HECTD2: variants seen among roughly 807,000 people sequenced by gnomAD.
HECTD2 encodes probable E3 ubiquitin-protein ligase HECTD2.
A neutral mutation model predicts 103.2 loss-of-function variants in HECTD2; 35 were observed. The ratio of observed to expected loss-of-function variants is 0.34; its 90% CI spans 0.26 to 0.45. The LOEUF is 0.45. HECTD2 is among the 20% of genes least tolerant of loss of function. HECTD2 has a pLI of 1.00. For missense variants in HECTD2, 596 were observed against 937.4 expected (o/e 0.64, Z 4.76); for synonymous variants, 281 against 329.9 (o/e 0.85, Z 1.61).
intron 15 of HECTD2, 64 bp downstream of exon 15, chr10:91,496,436 GTCTC>G (rs60938850): frequency 0.045 from 51,359 of 1,137,728 alleles, 3,035 homozygotes; most frequent in African/African-American, 0.27. Flanking sequence ...TACCTGCACA[GTCTC>G]TCCTCCTAAT....
chr10:91,512,194 T>C, intron 20 of HECTD2, 70 bp from the exon 21 acceptor site: 1 of 1,515,102 alleles, frequency 6.6e-7, no homozygotes, highest in Admixed American at 1.9e-5. Flanking sequence ...CTGGTATTTT[T>C]TAAAGTTGCA....
chr10:91,494,206 T>TG lies in HECTD2; in HGVS notation c.1521+705dup, dbSNP rs201074905. 2.7e-3 allele frequency among the ~76,000 whole-genome samples: 400 copies of TG among 149,038 alleles called. 1 individual carries two copies. The highest frequency in any genetic ancestry group is 9.2e-3 in the African/African-American group (371 of 40,514). Reference sequence around the variant, plus strand: ...TGGAGATAAGAAAGTATAAAAGGGGTGGGGGGGAATTCTTAATCTGTTCTC... The same window carrying TG: ...TGGAGATAAGAAAGTATAAAAGGGGTGGGGGGGGAATTCTTAATCTGTTCTC... On this transcript the variant is annotated intron_variant, in intron 14 of 20. Transcript: ENST00000298068.
chr10:91,440,316 C>T (rs372185538), intron 2 of HECTD2, among the ~76,000 whole-genome samples: 27 of 152,152 alleles, frequency 1.8e-4, no homozygotes, highest in Admixed American at 5.9e-4. Flanking sequence ...AAGGACTTTT[C>T]GGTAGTTATT....
chr10:91,477,036 C>T (rs1383688394), intron 5 of HECTD2, among the ~76,000 whole-genome samples: 1 of 152,162 alleles, frequency 6.6e-6, no homozygotes, highest in South Asian at 2.1e-4. Context: ...AAAAAATTAG[C>T]CGGGCGCGGT....
At chr10:91,449,111 G>A (rs77935307) in intron 2 of HECTD2, among the ~76,000 whole-genome samples, 1 of 151,576 alleles carries the variant, frequency 6.6e-6, no homozygotes, top group South Asian at 2.1e-4. Context: ...TGATGAACAT[G>A]GATATGAAAA....
Position 91,481,123 on chromosome 10 carries a change from AT to A in HECTD2, c.699del (p.Phe233LeufsTer25). The A allele has an allele frequency of 6.5e-7, 1 of 1,529,298 alleles. No homozygotes were observed. Among genetic ancestry groups the A allele is most frequent in the Non-Finnish European group, 8.9e-7 (1 of 1,120,396 alleles). The allele number at this position is 1,529,298 out of a possible 1,614,324, so 94.7% of individuals were successfully genotyped here. ...CGAACAAAAGATGATCTTAGAGCAT[AT>A]TTTATACTTTTACAGGTAAGAGAAC... ...GPRTKDDLRA[Y>X]FILLQNPQFN... On this transcript the variant is annotated frameshift_variant, in exon 7 of 21. Coordinates refer to ENST00000298068, the MANE Select transcript of HECTD2 (RefSeq NM_182765.6). LOFTEE classifies it high-confidence loss of function.
chr10:91,500,248 G>T (rs540251702), intron 18 of HECTD2, among the ~76,000 whole-genome samples: 2 of 152,276 alleles, frequency 1.3e-5, no homozygotes, highest in East Asian at 3.9e-4. Context: ...GAGTAATTTG[G>T]ATTTGTGCAA....
At chr10:91,443,797 C>T (rs1316038596) in intron 2 of HECTD2, among the ~76,000 whole-genome samples, 3 of 152,186 alleles carry the variant, frequency 2.0e-5, no homozygotes, top group East Asian at 3.9e-4. Context: ...AATGAGAGAA[C>T]AATGGTGCTG....
chr10:91,420,840 A>G (rs935907252), intron 1 of HECTD2, among the ~76,000 whole-genome samples: 2 of 152,170 alleles, frequency 1.3e-5, no homozygotes, highest in African/African-American at 2.4e-5. Context: ...CAGCTAATAC[A>G]TGGCTACCCT....
intron 5 of HECTD2, among the ~76,000 whole-genome samples, chr10:91,476,908 C>G (rs112226806): frequency 5.3e-5 from 8 of 152,062 alleles, no homozygotes; most frequent in African/African-American, 1.9e-4. Flanking sequence ...GGGCCGGGCG[C>G]GGTGGCTCAT....
At chr10:91,418,701 A>C (rs1159783001) in intron 1 of HECTD2, among the ~76,000 whole-genome samples, 2 of 152,164 alleles carry the variant, frequency 1.3e-5, no homozygotes, top group African/African-American at 4.8e-5. Flanking sequence ...GAAACAAAAT[A>C]TCTTTACCCA....
At position 91,503,242 on chromosome 10, in the gene HECTD2, T is replaced by C. The variant is rs536596605; in HGVS notation, c.2210+1908T>C. On this transcript the variant is annotated intron_variant, in intron 20 of 20. Transcript: ENST00000298068. Reference sequence around the variant, plus strand: ...CTCACAGCGGTCAGAATGGCTATTGTTATATTAAAAAGTCAAAAAATGAGG... The same window carrying C: ...CTCACAGCGGTCAGAATGGCTATTGCTATATTAAAAAGTCAAAAAATGAGG... 5.3e-5 allele frequency among the ~76,000 whole-genome samples: 8 copies of C among 152,168 alleles called. 1 individual carries two copies. Among genetic ancestry groups the C allele is most frequent in the Non-Finnish European group, 1.2e-4 (8 of 67,984 alleles).
At chr10:91,488,003 A>C (rs1427162581) in intron 11 of HECTD2, 1 of 306,164 alleles carries the variant, frequency 3.3e-6, no homozygotes, top group Non-Finnish European at 6.0e-6. Context: ...TAAATATAGT[A>C]GGAAGAGTAA....
chr10:91,412,130 T>C (rs1193489409), intron 1 of HECTD2, among the ~76,000 whole-genome samples: 1 of 152,234 alleles, frequency 6.6e-6, no homozygotes, highest in Non-Finnish European at 1.5e-5. Flanking sequence ...TATTATTTAA[T>C]ACCCACAGTA....
chr10:91,461,159 T>G, intron 3 of HECTD2, 95 bp from the exon 4 acceptor site: 1 of 594,688 alleles, frequency 1.7e-6, no homozygotes, highest in South Asian at 2.5e-5. Context: ...GGCTTCAGTA[T>G]TTTGTATTGC....
chr10:91,424,550 A>G (rs927793101), intron 1 of HECTD2, among the ~76,000 whole-genome samples: 2 of 152,164 alleles, frequency 1.3e-5, no homozygotes, highest in Admixed American at 6.6e-5. Context: ...AGGCAGCTCT[A>G]TAGTTTAATC....
chr10:91,467,942 G>GC (rs774016398), intron 5 of HECTD2, among the ~76,000 whole-genome samples: 13 of 151,380 alleles, frequency 8.6e-5, no homozygotes, highest in Non-Finnish European at 1.3e-4. Context: ...CAGCATTCCT[G>GC]CCCCCCACCA....
chr10:91,509,655 C>G (rs886668428), intron 20 of HECTD2, among the ~76,000 whole-genome samples: 13 of 152,084 alleles, frequency 8.5e-5, no homozygotes, highest in Admixed American at 5.9e-4. Flanking sequence ...AGGCTCCATC[C>G]TAAGCAAACT....
intron 1 of HECTD2, among the ~76,000 whole-genome samples, chr10:91,418,807 T>C (rs950399003): frequency 2.0e-5 from 3 of 152,188 alleles, no homozygotes; most frequent in Admixed American, 6.5e-5. Flanking sequence ...TTATTAAAAA[T>C]TGGTAAAGTA....
Sources: gnomAD v4.1 joint callset for allele counts (sites outside exome capture counted in the v4.1 genomes callset) on GRCh38, gnomAD v4.1.1 for gene constraint, MANE v1.5 for transcripts, NCBI Gene and HGNC (gene_info 2026-07-23, HGNC 2026-07-21) for gene names.